Variants in ARHGAP26 observed in about 807,000 individuals in gnomAD.
ARHGAP26 encodes rho GTPase-activating protein 26.
Under a neutral mutation model 104.8 loss-of-function variants are expected in ARHGAP26, and 38 were observed. The ratio of observed to expected loss-of-function variants is 0.36; its 90% CI spans 0.28 to 0.48. ARHGAP26 has a LOEUF of 0.48. Among genes scored for constraint, ARHGAP26 ranks in the 20% least tolerant of loss-of-function variants. The pLI is 0.99. For missense variants in ARHGAP26, 704 were observed against 947.9 expected (o/e 0.74, Z 3.38); for synonymous variants, 341 against 340.0 (o/e 1.00, Z -0.03).
rs1811507115 is a variant in ARHGAP26, at chr5:143,224,517, T to G, written c.*2071T>G. On this transcript the variant is annotated 3_prime_UTR_variant, in exon 23 of 23. Transcript: ENST00000645722. ...AAATAAGTGGGGTCAGGCATTCGAGTTTTTGTCTTTCTTCTCAGGTGTATT... is the reference window on the plus strand; with the variant it reads ...AAATAAGTGGGGTCAGGCATTCGAGGTTTTGTCTTTCTTCTCAGGTGTATT... The G allele has an allele frequency of 4.3e-6, 1 of 230,368 alleles. No individual in the cohort carries two copies. The highest frequency in any genetic ancestry group is 8.6e-6 in the Non-Finnish European group (1 of 116,316). The allele number at this position is 230,368 out of a possible 1,614,324, so 14.3% of individuals were successfully genotyped here.
At chr5:142,841,604 G>C (rs1229908041) in intron 1 of ARHGAP26, among the ~76,000 whole-genome samples, 1 of 152,204 alleles carries the variant, frequency 6.6e-6, no homozygotes, top group Non-Finnish European at 1.5e-5. Context: ...AGGTCTGATG[G>C]AAACTGTAGA....
chr5:143,073,627 T>A (rs539126975), intron 17 of ARHGAP26, among the ~76,000 whole-genome samples: 1 of 152,234 alleles, frequency 6.6e-6, no homozygotes, highest in Non-Finnish European at 1.5e-5. Flanking sequence ...CTTAGGCTAA[T>A]GTACCAGGCC....
chr5:143,047,581 A>AG (rs1784401397), intron 14 of ARHGAP26, among the ~76,000 whole-genome samples: 1 of 152,192 alleles, frequency 6.6e-6, no homozygotes, highest in Non-Finnish European at 1.5e-5. Context: ...GCAAAGTCTG[A>AG]GGGAGACTAT....
intron 1 of ARHGAP26, among the ~76,000 whole-genome samples, chr5:142,807,777 C>T (rs966680025): frequency 1.3e-5 from 2 of 152,154 alleles, no homozygotes; most frequent in Admixed American, 6.5e-5. Flanking sequence ...TGCTGAGCTG[C>T]GTGCTGCTGG....
intron 1 of ARHGAP26, among the ~76,000 whole-genome samples, chr5:142,849,545 C>T (rs1250016811): frequency 6.6e-6 from 1 of 152,180 alleles, no homozygotes; most frequent in Non-Finnish European, 1.5e-5. Context: ...CTTCCTTGCT[C>T]ACCTTCTTTG....
intron 14 of ARHGAP26, among the ~76,000 whole-genome samples, chr5:143,046,202 G>A (rs557177311): frequency 6.6e-6 from 1 of 152,152 alleles, no homozygotes; most frequent in African/African-American, 2.4e-5. Context: ...TACTCAGGAG[G>A]CTGAGGCAGG....
intron 9 of ARHGAP26, among the ~76,000 whole-genome samples, chr5:142,910,493 A>T (rs1455645026): frequency 6.6e-6 from 1 of 152,214 alleles, no homozygotes; most frequent in Non-Finnish European, 1.5e-5. Context: ...TAATCCCAGC[A>T]CTTGGGAGGC....
At chr5:142,973,900 C>T (rs2152707706) in intron 11 of ARHGAP26, among the ~76,000 whole-genome samples, 1 of 152,336 alleles carries the variant, frequency 6.6e-6, no homozygotes, top group East Asian at 1.9e-4. Flanking sequence ...CTTGATCTTC[C>T]TCTGCCTTTT....
In ARHGAP26 at chr5:143,223,988, C is replaced by G. The variant is rs1238913106; in HGVS notation, c.*1542C>G. 4.3e-6 allele frequency: 1 copy of G among 232,026 alleles called. No individual in the cohort carries two copies. Among genetic ancestry groups the G allele is most frequent in the Non-Finnish European group, 8.5e-6 (1 of 117,062 alleles). 14.4% of individuals were successfully genotyped at this position (232,026 alleles called of 1,614,324 possible). On this transcript the variant is annotated 3_prime_UTR_variant, in exon 23 of 23. Coordinates refer to ENST00000645722, the MANE Select transcript of ARHGAP26 (RefSeq NM_001135608.3). Reference sequence around the variant, plus strand: ...CAAACCGATGGACCGTCAAGCTCCCCAGGAGCCCCTTGGATGGCAGCGTTG... The same window carrying G: ...CAAACCGATGGACCGTCAAGCTCCCGAGGAGCCCCTTGGATGGCAGCGTTG...
chr5:143,119,516 CATT>C (rs1383710905), intron 17 of ARHGAP26, among the ~76,000 whole-genome samples: 7 of 152,184 alleles, frequency 4.6e-5, no homozygotes, highest in Non-Finnish European at 8.8e-5. Context: ...TGACCATCTG[CATT>C]AACTTTGTCA....
At chr5:143,108,694 C>G (rs372108409) in intron 17 of ARHGAP26, among the ~76,000 whole-genome samples, 94 of 152,224 alleles carry the variant, frequency 6.2e-4, no homozygotes, top group African/African-American at 2.2e-3. Flanking sequence ...TTAAAAAATC[C>G]CCACAAAAGG....
At chr5:142,980,405 T>TATTTTATTTTATTTTATTTTA (rs1241374660) in intron 11 of ARHGAP26, among the ~76,000 whole-genome samples, 1 of 151,526 alleles carries the variant, frequency 6.6e-6, no homozygotes, top group Admixed American at 6.6e-5. Flanking sequence ...TATTTTATTT[T>TATTTTATTTTATTTTATTTTA]TGAGATGGAA....
intron 13 of ARHGAP26, among the ~76,000 whole-genome samples, chr5:143,039,539 T>A (rs535412333): frequency 4.2e-4 from 63 of 151,454 alleles, no homozygotes; most frequent in South Asian, 4.2e-4. Flanking sequence ...TTTTTTTTTT[T>A]AAATTTAAAA....
In ARHGAP26 at chr5:142,919,263, A is replaced by G. The variant is rs903395656; in HGVS notation, c.1028+5970A>G. The stretch of plus-strand genomic sequence containing the variant: ...GTACACGAGAAGATACCGTGTTAAC[A>G]TGAAGGCAGAAGTCGAGGTGATGCA... On this transcript the variant is annotated intron_variant, in intron 10 of 22. Transcript: ENST00000645722. 18 of 398,532 alleles carry G rather than the reference A, an allele frequency of 4.5e-5. No homozygotes were observed. In the Admixed American group the frequency reaches 7.5e-4, roughly 17 times the overall value. 24.7% of individuals were successfully genotyped at this position (398,532 alleles called of 1,614,324 possible).
chr5:142,901,000 C>T (rs1295082241), intron 6 of ARHGAP26, among the ~76,000 whole-genome samples: 1 of 152,062 alleles, frequency 6.6e-6, no homozygotes, highest in African/African-American at 2.4e-5. Flanking sequence ...TTATTATAAT[C>T]CTTTCTTCAG....
At position 143,012,548 on chromosome 5, in the gene ARHGAP26, C is replaced by CATATATATATATATATATATATATAT. The variant is rs1414408846; in HGVS notation, c.1108-1529_1108-1528insTATATATATATATATATATATATATA. On this transcript the variant is annotated intron_variant, in intron 11 of 22. Transcript: ENST00000645722. ...CTGGAGGGATATATTTATATACATACATACATATATATATATATATATATA... is the reference window on the plus strand; with the variant it reads ...CTGGAGGGATATATTTATATACATACATATATATATATATATATATATATATATACATATATATATATATATATATA... Among the ~76,000 whole-genome samples, 65 of 23,314 alleles carry CATATATATATATATATATATATATAT rather than the reference C, an allele frequency of 2.8e-3. 13 individuals carry two copies. Among genetic ancestry groups the CATATATATATATATATATATATATAT allele is most frequent in the Non-Finnish European group, 4.6e-3 (43 of 9,398 alleles). 15.3% of individuals were successfully genotyped at this position (23,314 alleles called of 152,430 possible).
At chr5:143,009,668 CTCT>C (rs1314176876) in intron 11 of ARHGAP26, among the ~76,000 whole-genome samples, 1 of 152,212 alleles carries the variant, frequency 6.6e-6, no homozygotes, top group African/African-American at 2.4e-5. Context: ...CATGTAATTT[CTCT>C]TCTTCAGAAG....
rs1794791858 is a variant in ARHGAP26, at chr5:143,111,738, T to C, written c.1539-9250T>C. ...CTCATGCTATATTATACAATGCATA[T>C]TAGGTAATGCATGTAATAATTATTA... On this transcript the variant is annotated intron_variant, in intron 17 of 22. Transcript: ENST00000645722. Among the ~76,000 whole-genome samples, 3 of 152,382 alleles carry C rather than the reference T, an allele frequency of 2.0e-5. No individual in the cohort carries two copies. The South Asian group carries it at 6.2e-4, about 32-fold the overall frequency.
intron 18 of ARHGAP26, among the ~76,000 whole-genome samples, chr5:143,125,397 A>G (rs192897055): frequency 2.0e-5 from 3 of 152,344 alleles, no homozygotes; most frequent in Admixed American, 6.5e-5. Flanking sequence ...GAATCCATCT[A>G]TATCTTCCTC....
Sources: allele counts gnomAD v4.1 joint callset (sites outside exome capture counted in the v4.1 genomes callset), GRCh38; gene constraint gnomAD v4.1.1; transcripts MANE v1.5; gene names NCBI Gene and HGNC (gene_info 2026-07-23, HGNC 2026-07-21).